Variants in ERBB4 observed in about 807,000 individuals in gnomAD.
The protein encoded by ERBB4 is receptor tyrosine-protein kinase erbB-4.
A neutral mutation model predicts 158.0 loss-of-function variants in ERBB4; 42 were observed. The observed-to-expected ratio is 0.27, with a 90% CI of 0.21 to 0.34. The LOEUF is 0.34. ERBB4 is among the 10% of genes least tolerant of loss of function. The pLI is 1.00. For synonymous variants in ERBB4, 583 were observed against 558.7 expected (o/e 1.04, Z -0.61); for missense variants, 1,333 against 1,624.1 (o/e 0.82, Z 3.08).
chr2:211,783,486 A>G (rs2076083634), intron 4 of ERBB4, among the ~76,000 whole-genome samples: 1 of 152,204 alleles, frequency 6.6e-6, no homozygotes, highest in African/African-American at 2.4e-5. Context: ...GCCATTCAGT[A>G]TGATATTGGC....
At chr2:211,991,815 G>A (rs907064832) in intron 2 of ERBB4, among the ~76,000 whole-genome samples, 3 of 152,078 alleles carry the variant, frequency 2.0e-5, no homozygotes, top group Non-Finnish European at 4.4e-5. Flanking sequence ...TGTGCCTGGC[G>A]TCTGGATTTC....
chr2:211,914,857 A>G (rs748068174), intron 3 of ERBB4, among the ~76,000 whole-genome samples: 1 of 152,106 alleles, frequency 6.6e-6, no homozygotes, highest in African/African-American at 2.4e-5. Flanking sequence ...ATTACTATGT[A>G]TATTTTATGG....
chr2:212,447,088 C>T (rs1292493644), intron 1 of ERBB4, among the ~76,000 whole-genome samples: 7 of 151,616 alleles, frequency 4.6e-5, no homozygotes. Context: ...GCTCCGCCTC[C>T]TAGGTTCACG....
chr2:211,533,498 C>T (rs1256273675), intron 20 of ERBB4, among the ~76,000 whole-genome samples: 1 of 151,966 alleles, frequency 6.6e-6, no homozygotes, highest in Non-Finnish European at 1.5e-5. Context: ...AACTGTTTGA[C>T]AAATATTGAA....
chr2:211,449,857 G>A (rs2064200646), intron 20 of ERBB4, among the ~76,000 whole-genome samples: 1 of 152,048 alleles, frequency 6.6e-6, no homozygotes, highest in African/African-American at 2.4e-5. Context: ...AGGCTAACTA[G>A]GGAATTAACA....
chr2:211,656,982 CT>C (rs1221350191), intron 16 of ERBB4, among the ~76,000 whole-genome samples: 2 of 152,046 alleles, frequency 1.3e-5, no homozygotes, highest in Admixed American at 1.3e-4. Flanking sequence ...CCAAGTTATA[CT>C]TTTACCTGCA....
chr2:211,383,658 A>T lies in ERBB4; in HGVS notation c.3884T>A (p.Val1295Glu), dbSNP rs2062618208. The T allele has an allele frequency of 6.2e-7, 1 of 1,613,820 alleles. No individual in the cohort carries two copies. The highest frequency in any genetic ancestry group is 1.3e-5 in the African/African-American group (1 of 74,928). ...LSEFSLKPGT[V>E]LPPPPYRHRN... The stretch of plus-strand genomic sequence containing the variant: ...GTGTCTGTAAGGTGGAGGCGGCAGC[A>T]CAGTGCCTGGCTTCAGGGAGAACTC... The change falls in exon 28 of 28, where the codon GTG becomes GAG. Residue 1295 changes from valine to glutamate, a missense_variant. Coordinates refer to ENST00000342788, the MANE Select transcript of ERBB4 (RefSeq NM_005235.3).
intron 16 of ERBB4, among the ~76,000 whole-genome samples, chr2:211,640,939 C>T (rs6435644): frequency 0.96 from 146,601 of 152,222 alleles, 70,716 homozygotes; most frequent in East Asian, 1. Context: ...CTTAAAGGGA[C>T]GTGCAGAAAT....
intron 1 of ERBB4, among the ~76,000 whole-genome samples, chr2:212,234,239 T>C (rs1274160297): frequency 6.6e-6 from 1 of 152,094 alleles, no homozygotes. Flanking sequence ...AGTGTTGGGT[T>C]TTCTGTTCCT....
intron 1 of ERBB4, among the ~76,000 whole-genome samples, chr2:212,457,947 A>AT (rs1396645008): frequency 1.3e-5 from 2 of 152,004 alleles, no homozygotes; most frequent in African/African-American, 4.8e-5. Context: ...ATTATTTATT[A>AT]TTTTTTATTA....
At chr2:211,944,197 A>AC (rs1559155053) in intron 3 of ERBB4, among the ~76,000 whole-genome samples, 5 of 44,560 alleles carry the variant, frequency 1.1e-4, no homozygotes, top group Non-Finnish European at 1.8e-4. Context: ...ATATATATAT[A>AC]TACTATATAT....
At chr2:212,458,366 T>C (rs1347483257) in intron 1 of ERBB4, among the ~76,000 whole-genome samples, 1 of 151,988 alleles carries the variant, frequency 6.6e-6, no homozygotes, top group Non-Finnish European at 1.5e-5. Flanking sequence ...GTAAGGGACA[T>C]ATGGTGAGGA....
intron 1 of ERBB4, among the ~76,000 whole-genome samples, chr2:212,520,203 T>C (rs1208061257): frequency 6.6e-6 from 1 of 151,996 alleles, no homozygotes; most frequent in East Asian, 1.9e-4. Context: ...TGCTAAATAA[T>C]ACAACGGATG....
chr2:211,914,375 T>C (rs576057432), intron 3 of ERBB4, among the ~76,000 whole-genome samples: 37 of 152,268 alleles, frequency 2.4e-4, no homozygotes, highest in African/African-American at 8.4e-4. Flanking sequence ...TTAGGAGTTG[T>C]AAGTTTCAAT....
intron 1 of ERBB4, among the ~76,000 whole-genome samples, chr2:212,126,276 A>G (rs566897602): frequency 6.6e-6 from 1 of 152,144 alleles, no homozygotes; most frequent in African/African-American, 2.4e-5. Context: ...CCTAGCCAAC[A>G]TGGAGAAACC....
chr2:212,266,489 G>A (rs1387643141), intron 1 of ERBB4, among the ~76,000 whole-genome samples: 2 of 151,856 alleles, frequency 1.3e-5, no homozygotes, highest in African/African-American at 2.4e-5. Flanking sequence ...AGAGGCTTTC[G>A]ATTTTTTTAA....
intron 1 of ERBB4, among the ~76,000 whole-genome samples, chr2:212,272,552 G>T (rs1380403490): frequency 1.3e-5 from 2 of 151,738 alleles, no homozygotes; most frequent in Non-Finnish European, 2.9e-5. Context: ...GTAGCCCCAG[G>T]CTAGAGGAGA....
At chr2:212,146,767 T>C (rs753775244) in intron 1 of ERBB4, among the ~76,000 whole-genome samples, 1 of 152,188 alleles carries the variant, frequency 6.6e-6, no homozygotes, top group Non-Finnish European at 1.5e-5. Flanking sequence ...GTGGAGTCTG[T>C]GCACATCTTT....
intron 1 of ERBB4, among the ~76,000 whole-genome samples, chr2:212,263,592 T>G (rs2085022127): frequency 6.6e-6 from 1 of 152,122 alleles, no homozygotes; most frequent in Non-Finnish European, 1.5e-5. Flanking sequence ...ATCCTTCATT[T>G]CTGGAAAAAA....
Sources: allele counts gnomAD v4.1 joint callset (sites outside exome capture counted in the v4.1 genomes callset), GRCh38; gene constraint gnomAD v4.1.1; transcripts MANE v1.5; gene names NCBI Gene and HGNC (gene_info 2026-07-23, HGNC 2026-07-21).